CCSER1: variants seen among roughly 807,000 people sequenced by gnomAD.
CCSER1 encodes the protein serine-rich coiled-coil domain-containing protein 1.
A neutral mutation model predicts 82.0 loss-of-function variants in CCSER1; 41 were observed. The observed-to-expected ratio is 0.50, with a 90% confidence interval of 0.39 to 0.65. The LOEUF (loss-of-function observed/expected upper bound fraction) is 0.65. CCSER1 is among the 30% of genes least tolerant of loss of function. The probability of loss-of-function intolerance (pLI) is 0.00; values close to 1 mark genes in which losing one functional copy is unlikely to be tolerated. For missense variants in CCSER1, 1,119 were observed against 1,064.2 expected, an observed-to-expected ratio of 1.05 and a Z score of -0.72; for synonymous variants, 414 against 383.9, an observed-to-expected ratio of 1.08 and a Z score of -0.92.
intron 10 of CCSER1, among the ~76,000 whole-genome samples, chr4:91,090,726 A>AG (rs1723856581): frequency 6.6e-6 from 1 of 152,212 alleles, no homozygotes; most frequent in South Asian, 2.1e-4. Flanking sequence ...ATGCTCGGCT[A>AG]ATTGCAAAAA....
intron 10 of CCSER1, among the ~76,000 whole-genome samples, chr4:91,186,307 C>T (rs566725077): frequency 1.3e-5 from 2 of 152,178 alleles, no homozygotes; most frequent in African/African-American, 2.4e-5. Flanking sequence ...CCTTCCTCCT[C>T]CTCATCAGTG....
intron 10 of CCSER1, among the ~76,000 whole-genome samples, chr4:91,087,034 C>G (rs954277446): frequency 7.2e-5 from 11 of 151,912 alleles, no homozygotes; most frequent in Non-Finnish European, 1.5e-4. Flanking sequence ...ATCAGTATGA[C>G]TGGGGAAAAA....
intron 7 of CCSER1, among the ~76,000 whole-genome samples, chr4:90,731,558 A>G (rs916623261): frequency 3.3e-5 from 5 of 152,202 alleles, no homozygotes; most frequent in Admixed American, 6.5e-5. Context: ...AAGCAGGTAA[A>G]AATAAAATTC....
chr4:90,322,609 T>C (rs1282370840), intron 3 of CCSER1, among the ~76,000 whole-genome samples: 1 of 152,226 alleles, frequency 6.6e-6, no homozygotes. Context: ...TTCAGTTTCA[T>C]CTTCAGTTTA....
intron 10 of CCSER1, among the ~76,000 whole-genome samples, chr4:91,357,233 G>A (rs1748897413): frequency 6.6e-6 from 1 of 152,118 alleles, no homozygotes; most frequent in Non-Finnish European, 1.5e-5. Flanking sequence ...TTTTATGCCA[G>A]ATAAGTTAAA....
chr4:90,158,874 G>T (rs1292811729), intron 1 of CCSER1, among the ~76,000 whole-genome samples: 2 of 152,084 alleles, frequency 1.3e-5, no homozygotes, highest in Non-Finnish European at 2.9e-5. Flanking sequence ...CGCAGGGTGT[G>T]CTGCACCCAC....
chr4:91,018,344 T>C (rs1739623085), intron 9 of CCSER1, among the ~76,000 whole-genome samples: 1 of 152,092 alleles, frequency 6.6e-6, no homozygotes, highest in Admixed American at 6.5e-5. Flanking sequence ...GAATCAACTA[T>C]CAAATCGGGT....
rs1764862808 is a variant in CCSER1 at position 91,602,883 on chromosome 4, C to G, written c.*3826C>G. ...TTTATACCAGGATTTTGATTGCTAT[C>G]TAAGACTTGACTTTATTTAGGCATT... is the stretch of plus-strand genomic sequence containing the variant. On this transcript the variant is annotated 3_prime_UTR_variant, in exon 11 of 11. Transcript: ENST00000509176. Among the ~76,000 whole-genome samples, 1 of 151,958 alleles carries G rather than the reference C, an allele frequency of 6.6e-6. No individual in the cohort carries two copies. Among genetic ancestry groups the G allele is most frequent in the Non-Finnish European group, 1.5e-5 (1 of 67,920 alleles).
intron 10 of CCSER1, among the ~76,000 whole-genome samples, chr4:91,216,565 C>T (rs1011850944): frequency 6.6e-6 from 1 of 152,110 alleles, no homozygotes; most frequent in African/African-American, 2.4e-5. Context: ...CGTGATCCAC[C>T]CATCTCGGCC....
chr4:91,357,122 C>T (rs905680413), intron 10 of CCSER1, among the ~76,000 whole-genome samples: 1 of 152,140 alleles, frequency 6.6e-6, no homozygotes, highest in Non-Finnish European at 1.5e-5. Context: ...TTTCTTGATC[C>T]TCTAGTAAAA....
rs989669897 is a variant in CCSER1, at chr4:91,057,703, T to A, written c.2173-28247T>A. On this transcript the variant is annotated intron_variant, in intron 9 of 10. Coordinates refer to ENST00000509176, the MANE Select transcript of CCSER1 (RefSeq NM_001145065.2). ...TGTCATTTCATAGAGCTATTCCAAA[T>A]TTAAACTTAGGTAGATTCAGGTTGA... 2.6e-5 allele frequency among the ~76,000 whole-genome samples: 4 copies of A among 152,232 alleles called. No homozygotes were observed. The East Asian group carries it at 7.7e-4, about 29-fold the overall frequency.
chr4:91,482,350 C>T (rs1344647849), intron 10 of CCSER1, among the ~76,000 whole-genome samples: 1 of 72,364 alleles, frequency 1.4e-5, no homozygotes, highest in African/African-American at 6.9e-5. Context: ...TGCAGTGAGC[C>T]GAGATTGCGC....
At chr4:91,196,152 A>C (rs1735410868) in intron 10 of CCSER1, among the ~76,000 whole-genome samples, 1 of 148,770 alleles carries the variant, frequency 6.7e-6, no homozygotes, top group African/African-American at 2.5e-5. Context: ...GCTCCACAGC[A>C]GTCCGGCCTG....
chr4:90,902,536 A>G (rs936252252), intron 8 of CCSER1, among the ~76,000 whole-genome samples: 4 of 151,386 alleles, frequency 2.6e-5, no homozygotes, highest in African/African-American at 9.7e-5. Context: ...TTTTGGCTTT[A>G]TTTCTGGGTG....
At chr4:91,050,268 T>TA (rs1335434852) in intron 9 of CCSER1, among the ~76,000 whole-genome samples, 1 of 151,976 alleles carries the variant, frequency 6.6e-6, no homozygotes, top group Non-Finnish European at 1.5e-5. Context: ...CTGTCTCTAT[T>TA]AAAAATACAA....
At chr4:91,522,552 G>A (rs113259347) in intron 10 of CCSER1, among the ~76,000 whole-genome samples, 106 of 152,246 alleles carry the variant, frequency 7.0e-4, no homozygotes, top group African/African-American at 2.4e-3. Flanking sequence ...ATTTCGTTGA[G>A]CAGTGGTTTG....
intron 5 of CCSER1, among the ~76,000 whole-genome samples, chr4:90,625,242 TTTC>T (rs796941500): frequency 2.2e-4 from 33 of 152,334 alleles, no homozygotes; most frequent in African/African-American, 7.2e-4. Context: ...ATTAGAGATT[TTTC>T]TTCATTTTCT....
At position 90,174,303 on chromosome 4, in the gene CCSER1, G is replaced by A. The variant is rs34720079; in HGVS notation, c.-42+46472G>A. Among the ~76,000 whole-genome samples the A allele has an allele frequency of 5.4e-3, 821 of 152,008 alleles. 2 individuals carry two copies. The highest frequency in any genetic ancestry group is 8.9e-3 in the Non-Finnish European group (605 of 67,920). ...AAAAAGTTTATAATTAAAAATATAA[G>A]CAAATGCCATTTATTTGATGGAGTA... On this transcript the variant is annotated intron_variant, in intron 1 of 10. Transcript: ENST00000509176.
At chr4:90,912,227 T>A (rs1561349311) in intron 8 of CCSER1, among the ~76,000 whole-genome samples, 1 of 152,098 alleles carries the variant, frequency 6.6e-6, no homozygotes, top group Non-Finnish European at 1.5e-5. Flanking sequence ...GGAGGCTAAT[T>A]ATGTGTCTGC....
Sources: allele counts gnomAD v4.1 joint callset (sites outside exome capture counted in the v4.1 genomes callset), GRCh38; gene constraint gnomAD v4.1.1; transcripts MANE v1.5; gene names NCBI Gene and HGNC (gene_info 2026-07-23, HGNC 2026-07-21).